The following TCF3 variants were observed in gnomAD, a reference collection of about 807,000 sequenced individuals.
TCF3 encodes transcription factor E2-alpha.
TCF3 carries 54 observed loss-of-function variants against 72.3 expected under a neutral mutation model. The observed-to-expected ratio is 0.75, with a 90% CI of 0.60 to 0.94. TCF3 has a LOEUF of 0.94. Ranked by LOEUF, TCF3 falls within the 40% of genes least tolerant of loss-of-function variation. The pLI is 0.00. For synonymous variants in TCF3, 525 were observed against 412.6 expected (o/e 1.27, Z -3.30); for missense variants, 1,078 against 934.4 (o/e 1.15, Z -2.00).
intron 5 of TCF3, 35 bp downstream of exon 5, chr19:1,632,003 C>T (rs771820929): frequency 6.2e-7 from 1 of 1,604,742 alleles, no homozygotes. Context: ...CACATCTGTG[C>T]ACAGCAGAGG....
intron 2 of TCF3, among the ~76,000 whole-genome samples, chr19:1,648,686 T>C (rs1417505081): frequency 6.6e-6 from 1 of 152,114 alleles, no homozygotes; most frequent in Non-Finnish European, 1.5e-5. Context: ...GGGTGGCCGG[T>C]GTTGTTTCAG....
At chr19:1,648,705 C>T (rs1161569483) in intron 2 of TCF3, among the ~76,000 whole-genome samples, 1 of 151,776 alleles carries the variant, frequency 6.6e-6, no homozygotes, top group Non-Finnish European at 1.5e-5. Flanking sequence ...AGTTTGGGGA[C>T]TTTTGTTTTT....
intron 1 of TCF3, chr19:1,651,321 G>C (rs573665969): frequency 8.7e-6 from 2 of 228,834 alleles, no homozygotes; most frequent in Non-Finnish European, 1.7e-5. Context: ...GGTCGAGGGA[G>C]ACCCAACTTC....
intron 15 of TCF3, 32 bp downstream of exon 15, chr19:1,619,284 A>G (rs1453180386): frequency 6.4e-7 from 1 of 1,569,220 alleles, no homozygotes; most frequent in Non-Finnish European, 8.6e-7. Flanking sequence ...GTCCCCGCCC[A>G]CTGCCCAGCT....
In TCF3 at chr19:1,615,640, G is replaced by A. The variant is rs372676698; in HGVS notation, c.1586+46C>T. ...GTGCGTGTGGCCTGTGCACATGTGC[G>A]TCCTGATGGGGTGAGGGTGGGGAGT... On this transcript the variant is annotated intron_variant, in intron 17 of 18. Coordinates refer to ENST00000262965, the MANE Select transcript of TCF3 (RefSeq NM_003200.5). The surrounding 1 kb of genome is among the most constrained non-coding windows in gnomAD (Gnocchi z 7.3). 3.3e-5 allele frequency: 54 copies of A among 1,612,050 alleles called. No individual in the cohort carries two copies. Among genetic ancestry groups the A allele is most frequent in the Admixed American group, 8.3e-5 (5 of 59,964 alleles).
At chr19:1,623,727 T>C (rs1175570728) in intron 8 of TCF3, among the ~76,000 whole-genome samples, 1 of 152,116 alleles carries the variant, frequency 6.6e-6, no homozygotes, top group Non-Finnish European at 1.5e-5. Flanking sequence ...CAGGACTGCC[T>C]TTCTCTCAAA....
At chr19:1,638,373 T>TTG (rs1436289086) in intron 3 of TCF3, among the ~76,000 whole-genome samples, 1 of 151,970 alleles carries the variant, frequency 6.6e-6, no homozygotes, top group Non-Finnish European at 1.5e-5. Flanking sequence ...TTTGTTTTTT[T>TTG]TGTTTGTTTG....
At chr19:1,613,320 G>A (rs1418154224) in intron 18 of TCF3, among the ~76,000 whole-genome samples, 10 of 152,144 alleles carry the variant, frequency 6.6e-5, no homozygotes, top group African/African-American at 2.4e-4. Flanking sequence ...TGTGGATGTG[G>A]TCACACCCAG....
In TCF3 at chr19:1,623,962, G is replaced by C; in HGVS notation, c.538C>G (p.Leu180Val). ...PKKVRKVPPG[L>V]PSSVYPPSSG... ...CTCGTGCGACTCACCGAGGATGGAA[G>C]ACCCGGCGGGACCTTCCGGACCTTC... The change falls in exon 8 of 19, where the codon CTT (leucine) becomes GTT (valine). Residue 180 changes from leucine (L) to valine (V), a missense_variant. Transcript: ENST00000262965. 6.2e-7 allele frequency: 1 copy of C among 1,613,546 alleles called. No homozygotes were observed. Among genetic ancestry groups the C allele is most frequent in the Non-Finnish European group, 8.5e-7 (1 of 1,179,966 alleles).
rs10531649 is a variant in TCF3 at position 1,642,129 on chromosome 19, TACACACACACACACACACAC to T, written c.145+4206_145+4225del. On this transcript the variant is annotated intron_variant, in intron 3 of 18. Transcript: ENST00000262965. The stretch of plus-strand genomic sequence containing the variant: ...TGCATGTCTCAAAACTGCACAGAAC[TACACACACACACACACACAC>T]ACACACACACACACACGCACGCGTA... Among the ~76,000 whole-genome samples, 572 of 147,358 alleles carry T rather than the reference TACACACACACACACACACAC, an allele frequency of 3.9e-3. 5 individuals carry two copies. Among genetic ancestry groups the T allele is most frequent in the Non-Finnish European group, 5.9e-3 (396 of 66,672 alleles).
At chr19:1,650,437 G>A (rs2066840392) in intron 1 of TCF3, 150 bp from the exon 2 acceptor site, 2 of 593,856 alleles carry the variant, frequency 3.4e-6, no homozygotes, top group Non-Finnish European at 5.9e-6. Context: ...GGGGCACGGG[G>A]AGCCCTGGGA....
At chr19:1,619,759 T>TGGGGTGGGGGGGGGG in intron 14 of TCF3, 21 bp downstream of exon 14, 1 of 483,192 alleles carries the variant, frequency 2.1e-6, no homozygotes. Context: ...AAGGGTGGGG[T>TGGGGTGGGGGGGGGG]GGGGCGGGGC....
chr19:1,619,880 G>C (rs1769918471), intron 13 of TCF3, 27 bp from the exon 14 acceptor site: 3 of 1,549,740 alleles, frequency 1.9e-6, no homozygotes, highest in South Asian at 2.4e-5. Context: ...ACGTGAATGG[G>C]GTGCGAGGGG....
At chr19:1,630,163 C>G (rs988830978) in intron 5 of TCF3, among the ~76,000 whole-genome samples, 2 of 152,192 alleles carry the variant, frequency 1.3e-5, no homozygotes, top group Non-Finnish European at 2.9e-5. Flanking sequence ...CCCTGCCCAC[C>G]CTGGGGCCAT....
chr19:1,611,604 G>A lies in TCF3; in HGVS notation c.*103C>T. Reference sequence around the variant, plus strand: ...TGTTGGCTCGATGCTGACAACAGGTGTGTGAGGTGTGGATGTGGATGAAGC... The same window carrying A: ...TGTTGGCTCGATGCTGACAACAGGTATGTGAGGTGTGGATGTGGATGAAGC... On this transcript the variant is annotated 3_prime_UTR_variant, in exon 19 of 19. Coordinates refer to ENST00000262965, the MANE Select transcript of TCF3 (RefSeq NM_003200.5). 1 of 1,456,248 alleles carries A rather than the reference G, an allele frequency of 6.9e-7. No homozygotes were observed. Among genetic ancestry groups the A allele is most frequent in the South Asian group, 1.3e-5 (1 of 74,792 alleles). The allele number at this position is 1,456,248 out of a possible 1,614,324, so 90.2% of individuals were successfully genotyped here.
At chr19:1,650,347 G>A (rs2066822023) in intron 1 of TCF3, 60 bp from the exon 2 acceptor site, 1 of 1,297,944 alleles carries the variant, frequency 7.7e-7, no homozygotes, top group Non-Finnish European at 1.1e-6. Context: ...GAAGAGTTGT[G>A]AGTGGTCAAA....
In TCF3 at chr19:1,643,940, C is replaced by T. The variant is rs574956840; in HGVS notation, c.145+2415G>A. ...GCTGGGGTACCCCATCAGCCATCAG[C>T]GTTGGGGACTCCTGGCGAAGGGTGG... On this transcript the variant is annotated intron_variant, in intron 3 of 18. Coordinates refer to ENST00000262965, the MANE Select transcript of TCF3 (RefSeq NM_003200.5). Among the ~76,000 whole-genome samples, 5 of 152,296 alleles carry T rather than the reference C, an allele frequency of 3.3e-5. No individual in the cohort carries two copies. The South Asian group carries it at 8.3e-4, about 25-fold the overall frequency.
chr19:1,625,656 G>A lies in TCF3; in HGVS notation c.419C>T (p.Pro140Leu), dbSNP rs753750629. Reference sequence around the variant, plus strand: ...CTGGGAGGTCCCCTTCATGCCCGAAGGGGACAGGGGCCCGGGGCTGTTGAG... The same window carrying A: ...CTGGGAGGTCCCCTTCATGCCCGAAAGGGACAGGGGCCCGGGGCTGTTGAG... ...LALNSPGPLS[P>L]SGMKGTSQYY... The change falls in exon 7 of 19, where the codon CCT becomes CTT. Residue 140 changes from proline to leucine, a missense_variant. Coordinates refer to ENST00000262965, the MANE Select transcript of TCF3 (RefSeq NM_003200.5). 11 of 1,536,394 alleles carry A rather than the reference G, an allele frequency of 7.2e-6. No homozygotes were observed. Among genetic ancestry groups the A allele is most frequent in the South Asian group, 1.2e-5 (1 of 81,768 alleles).
At chr19:1,618,465 C>A (rs1286327744) in intron 16 of TCF3, among the ~76,000 whole-genome samples, 1 of 152,146 alleles carries the variant, frequency 6.6e-6, no homozygotes, top group South Asian at 2.1e-4. Context: ...CCCAAGTCCT[C>A]CCCGCAGCCC....
Sources: allele counts gnomAD v4.1 joint callset (sites outside exome capture counted in the v4.1 genomes callset), GRCh38; gene constraint gnomAD v4.1.1; non-coding constraint Gnocchi (gnomAD v3.1); transcripts MANE v1.5; gene names NCBI Gene and HGNC (gene_info 2026-07-23, HGNC 2026-07-21).